The following RMDN2 variants were observed in gnomAD, a reference collection of about 807,000 sequenced individuals.
RMDN2 encodes regulator of microtubule dynamics 2.
A neutral mutation model predicts 52.8 loss-of-function variants in RMDN2; 61 were observed. The ratio of observed to expected loss-of-function variants is 1.16; its 90% CI spans 0.94 to 1.43. The LOEUF (loss-of-function observed/expected upper bound fraction) is 1.43, where lower values mean the gene tolerates loss of function less well. Ranked by LOEUF, RMDN2 falls within the 40% of genes most tolerant of loss-of-function variation. RMDN2 has a pLI of 0.00. For synonymous variants in RMDN2, 180 were observed against 153.1 expected (o/e 1.18, Z -1.30); for missense variants, 592 against 475.3 (o/e 1.25, Z -2.28).
chr2:37,968,337 G>GC (rs899345696), intron 2 of RMDN2, among the ~76,000 whole-genome samples: 4 of 151,344 alleles, frequency 2.6e-5, no homozygotes, highest in Non-Finnish European at 5.9e-5. Flanking sequence ...CAGCTTGGGG[G>GC]GCTGAGGCAG....
chr2:38,054,620 C>T (rs915415406), intron 10 of RMDN2, among the ~76,000 whole-genome samples: 17 of 152,320 alleles, frequency 1.1e-4, no homozygotes, highest in African/African-American at 3.1e-4. Flanking sequence ...TGTCCCCTCC[C>T]GTGTGCTTTG....
At chr2:37,952,448 T>G (rs1668955059) in intron 2 of RMDN2, 1 of 494,382 alleles carries the variant, frequency 2.0e-6, no homozygotes. Flanking sequence ...TCAGATTTAC[T>G]GCTTAAAGAT....
chr2:37,983,491 T>C (rs905283917), intron 5 of RMDN2, among the ~76,000 whole-genome samples: 5 of 152,184 alleles, frequency 3.3e-5, no homozygotes, highest in Non-Finnish European at 7.3e-5. Context: ...AGTGATTCAA[T>C]TGTGTTTCAC....
At chr2:38,037,344 C>T (rs576976034) in intron 10 of RMDN2, among the ~76,000 whole-genome samples, 103 of 152,336 alleles carry the variant, frequency 6.8e-4, no homozygotes, top group African/African-American at 2.2e-3. Flanking sequence ...CCAAGTTGCT[C>T]TTTATCCTCA....
Position 38,017,250 on chromosome 2 carries a change from T to A in RMDN2, c.*11T>A. On this transcript the variant is annotated 3_prime_UTR_variant, in exon 11 of 11. Transcript: ENST00000354545. Reference sequence around the variant, plus strand: ...TCCTTGAAGAGGTAAATAAACGAATTTACTCTTCAACAAATCAGATGTGGT... The same window carrying A: ...TCCTTGAAGAGGTAAATAAACGAATATACTCTTCAACAAATCAGATGTGGT... 1 of 1,524,406 alleles carries A rather than the reference T, an allele frequency of 6.6e-7. No homozygotes were observed. Among genetic ancestry groups the A allele is most frequent in the Non-Finnish European group, 8.8e-7 (1 of 1,133,626 alleles). The allele number at this position is 1,524,406 out of a possible 1,614,324, so 94.4% of individuals were successfully genotyped here. A position where few individuals can be genotyped will look rare whatever the true frequency, so the allele number is the denominator to read the frequency against.
chr2:37,933,261 G>A (rs1381334837), intron 2 of RMDN2, among the ~76,000 whole-genome samples: 3 of 151,620 alleles, frequency 2.0e-5, no homozygotes, highest in Non-Finnish European at 2.9e-5. Flanking sequence ...GATGGCGGCC[G>A]GGCAGAGACG....
At chr2:38,009,314 C>G (rs532119881) in intron 10 of RMDN2, among the ~76,000 whole-genome samples, 2 of 152,300 alleles carry the variant, frequency 1.3e-5, no homozygotes, top group East Asian at 3.9e-4. Flanking sequence ...CAACTTGGTT[C>G]CATTCTCCCT....
upstream of RMDN2, among the ~76,000 whole-genome samples, chr2:37,921,758 G>A (rs1043338053): frequency 6.6e-6 from 1 of 152,210 alleles, no homozygotes; most frequent in Non-Finnish European, 1.5e-5. Flanking sequence ...TTTGATATTT[G>A]TCTCTAAAAC....
intron 10 of RMDN2, among the ~76,000 whole-genome samples, chr2:38,014,427 A>T (rs1558554404): frequency 6.6e-6 from 1 of 152,178 alleles, no homozygotes; most frequent in Non-Finnish European, 1.5e-5. Flanking sequence ...GTTTAAATTG[A>T]TCTTAAAAAC....
rs1231417632 is a variant in RMDN2, at chr2:37,965,500, CCTTT to C, written c.453-8538_453-8535del. 1.1e-4 allele frequency among the ~76,000 whole-genome samples: 17 copies of C among 151,988 alleles called. 1 individual carries two copies. Among genetic ancestry groups the C allele is most frequent in the Admixed American group, 7.9e-4 (12 of 15,260 alleles). On this transcript the variant is annotated intron_variant, in intron 2 of 10. Transcript: ENST00000354545. ...TTTAATTACATACAAAAATTCTACTCCTTTCCAGCTCCACCACCCATGTATTTTG... is the reference window on the plus strand; with the variant it reads ...TTTAATTACATACAAAAATTCTACTCCCAGCTCCACCACCCATGTATTTTG...
chr2:37,948,062 A>G (rs1324936251), intron 2 of RMDN2, among the ~76,000 whole-genome samples: 3 of 152,150 alleles, frequency 2.0e-5, no homozygotes, highest in African/African-American at 7.2e-5. Flanking sequence ...GGGGGTCGTC[A>G]TGACCCGTAT....
At chr2:38,023,886 A>C in intron 10 of RMDN2, among the ~76,000 whole-genome samples, 1 of 152,238 alleles carries the variant, frequency 6.6e-6, no homozygotes, top group East Asian at 1.9e-4. Flanking sequence ...TTAAGGTAAC[A>C]AACATTTTCA....
At chr2:38,058,254 T>G (rs1056996477) in intron 10 of RMDN2, among the ~76,000 whole-genome samples, 2 of 151,888 alleles carry the variant, frequency 1.3e-5, no homozygotes, top group African/African-American at 4.8e-5. Context: ...GGGAAGGGGG[T>G]GAAGGAGCCC....
chr2:38,018,966 C>A (rs982142758), downstream of RMDN2, among the ~76,000 whole-genome samples: 19 of 152,264 alleles, frequency 1.2e-4, 1 homozygote, highest in Non-Finnish European at 4.4e-5. Context: ...AATTAAGCAA[C>A]CCCCTAGCCC....
At chr2:37,922,659 G>A (rs576112432), upstream of RMDN2, among the ~76,000 whole-genome samples, 1 of 152,302 alleles carries the variant, frequency 6.6e-6, no homozygotes, top group East Asian at 1.9e-4. Flanking sequence ...ACACCAGAGA[G>A]GTTTGCTGTA....
chr2:37,929,602 G>A lies in RMDN2; in HGVS notation c.325G>A (p.Asp109Asn). The A allele has an allele frequency of 1.3e-6, 2 of 1,551,704 alleles. No homozygotes were observed. The highest frequency in any genetic ancestry group is 3.9e-5 in the Admixed American group (2 of 51,016). Reference sequence around the variant, plus strand: ...TCCAAAGCTGGAGGAATATATACAAGATGAACTTGGAGGGAAAATAACTGT... The same window carrying A: ...TCCAAAGCTGGAGGAATATATACAAAATGAACTTGGAGGGAAAATAACTGT... ...AIPKLEEYIQ[D>N]ELGGKITVHK... Residue 109 changes from aspartate to asparagine, a missense_variant, in exon 2 of 11, where the codon GAT becomes AAT. Physicochemically the swap from Asp to Asn is conservative, Grantham distance 23. Transcript: ENST00000354545.
chr2:37,944,477 G>A (rs1188246946), intron 2 of RMDN2, among the ~76,000 whole-genome samples: 1 of 152,216 alleles, frequency 6.6e-6, no homozygotes, highest in East Asian at 1.9e-4. Flanking sequence ...CAGGTGGCTG[G>A]TAGATTAGGC....
At chr2:38,017,137 T>C (rs967406368) in intron 10 of RMDN2, 49 bp from the exon 11 acceptor site, 1 of 1,207,142 alleles carries the variant, frequency 8.3e-7, no homozygotes, top group African/African-American at 1.5e-5. Flanking sequence ...TGCTAGAGTA[T>C]CAAGATGAAT....
intron 10 of RMDN2, chr2:38,012,752 A>G (rs1159807338): frequency 3.0e-6 from 1 of 329,200 alleles, no homozygotes; most frequent in Non-Finnish European, 6.1e-6. Flanking sequence ...AGATTGAAAT[A>G]TACCCCATTA....
Sources: gnomAD v4.1 joint callset for allele counts (sites outside exome capture counted in the v4.1 genomes callset) on GRCh38, gnomAD v4.1.1 for gene constraint, MANE v1.5 for transcripts, NCBI Gene and HGNC (gene_info 2026-07-23, HGNC 2026-07-21) for gene names.